ELAPOR1: variants seen among roughly 807,000 people sequenced by gnomAD.
ELAPOR1 encodes the protein endosome/lysosome-associated apoptosis and autophagy regulator 1.
A neutral mutation model predicts 119.7 loss-of-function variants in ELAPOR1; 77 were observed. That is an observed-to-expected ratio of 0.64 (90% CI 0.54 to 0.78). ELAPOR1 has a LOEUF of 0.78. Among genes scored for constraint, ELAPOR1 ranks in the 30% least tolerant of loss-of-function variants. The pLI is 0.00. For missense variants in ELAPOR1, 1,115 were observed against 1,270.4 expected, an observed-to-expected ratio of 0.88 and a Z score of 1.86; for synonymous variants, 481 against 487.2, an observed-to-expected ratio of 0.99 and a Z score of 0.17.
Position 109,194,416 on chromosome 1 carries a change from C to A in ELAPOR1, c.1948-5C>A. 4 of 1,613,162 alleles carry A rather than the reference C, an allele frequency of 2.5e-6. No individual in the cohort carries two copies. The highest frequency in any genetic ancestry group is 3.4e-6 in the Non-Finnish European group (4 of 1,179,384). On this transcript the variant is annotated splice_region_variant and splice_polypyrimidine_tract_variant and intron_variant, in intron 14 of 21. Transcript: ENST00000369939. ...GCTGGCCCGACCCGTCCCTCTCCCC[C>A]TCAGATCCACTCTCTGTGCTACAAC...
chr1:109,197,495 A>G lies in ELAPOR1; in HGVS notation c.2143A>G (p.Thr715Ala), dbSNP rs749792345. The change falls in exon 16 of 22, where the codon ACC (threonine) becomes GCC (alanine). Residue 715 changes from threonine (T) to alanine (A), a missense_variant. Coordinates refer to ENST00000369939, the MANE Select transcript of ELAPOR1 (RefSeq NM_020775.5). Reference sequence around the variant, plus strand: ...CCAGGGTAGGAAAATGTCTGTGTGCACCGACAATGTCACTGACCTCCGGAT... The same window carrying G: ...CCAGGGTAGGAAAATGTCTGTGTGCGCCGACAATGTCACTGACCTCCGGAT... ...GNQGRKMSVC[T>A]DNVTDLRIPE... 1 of 1,614,112 alleles carries G rather than the reference A, an allele frequency of 6.2e-7. No homozygotes were observed. Among genetic ancestry groups the G allele is most frequent in the South Asian group, 1.1e-5 (1 of 91,080 alleles).
At chr1:109,124,301 G>A (rs933087567) in intron 1 of ELAPOR1, among the ~76,000 whole-genome samples, 8 of 151,968 alleles carry the variant, frequency 5.3e-5, no homozygotes, top group Admixed American at 6.6e-5. Flanking sequence ...TGTCATCATG[G>A]TGCAGTATAA....
chr1:109,198,711 C>A (rs372153920), intron 18 of ELAPOR1, 37 bp downstream of exon 18: 6 of 1,549,286 alleles, frequency 3.9e-6, no homozygotes, highest in Non-Finnish European at 5.3e-6. Context: ...AGGCCAAAAT[C>A]TCCCTTGAAG....
At position 109,200,133 on chromosome 1, in the gene ELAPOR1, C is replaced by T. The variant is rs1247761538; in HGVS notation, c.2703C>T (p.Ile901=). Residue 901 remains isoleucine, a synonymous_variant, in exon 20 of 22, where the codon ATC becomes ATT. Coordinates refer to ENST00000369939, the MANE Select transcript of ELAPOR1 (RefSeq NM_020775.5). ...CTCTGCCTGAGCAGAGAGTCACCATCTGCAAAACCATAGATTTCTGGCTGA... is the reference window on the plus strand; with the variant it reads ...CTCTGCCTGAGCAGAGAGTCACCATTTGCAAAACCATAGATTTCTGGCTGA... The part of the protein sequence containing the change: ...GISLPEQRVT[I]CKTIDFWLKV... 17 of 1,614,112 alleles carry T rather than the reference C, an allele frequency of 1.1e-5. No individual in the cohort carries two copies. Among genetic ancestry groups the T allele is most frequent in the Non-Finnish European group, 1.4e-5 (16 of 1,180,050 alleles).
chr1:109,144,061 A>ATATATTTTTTTTTTTTTTTTTTTT lies in ELAPOR1; in HGVS notation c.154-17832_154-17831insATATTTTTTTTTTTTTTTTTTTTT. Among the ~76,000 whole-genome samples the ATATATTTTTTTTTTTTTTTTTTTT allele has an allele frequency of 5.6e-5, 5 of 88,988 alleles. 1 individual carries two copies. The highest frequency in any genetic ancestry group is 2.4e-4 in the African/African-American group (5 of 20,742). The allele number at this position is 88,988 out of a possible 152,430, so 58.4% of individuals were successfully genotyped here. A position where few individuals can be genotyped will look rare whatever the true frequency, so the allele number is the denominator to read the frequency against. On this transcript the variant is annotated intron_variant, in intron 1 of 21. Coordinates refer to ENST00000369939, the MANE Select transcript of ELAPOR1 (RefSeq NM_020775.5). ...TATATATATATATATATATTTATAT[A>ATATATTTTTTTTTTTTTTTTTTTT]TTTTTTTTTTTTTTTGAGATGGAGT...
intron 1 of ELAPOR1, among the ~76,000 whole-genome samples, chr1:109,155,781 C>T (rs1650838069): frequency 6.6e-6 from 1 of 152,286 alleles, no homozygotes; most frequent in South Asian, 2.1e-4. Flanking sequence ...ACAATGTGCA[C>T]TCTGCCTGCT....
At chr1:109,197,138 C>T (rs1458322715) in intron 15 of ELAPOR1, among the ~76,000 whole-genome samples, 3 of 90,646 alleles carry the variant, frequency 3.3e-5, no homozygotes, top group Admixed American at 1.2e-4. Context: ...CCTATCTTTA[C>T]GAAAAAAAAA....
chr1:109,160,658 G>A (rs1419642727), intron 1 of ELAPOR1, among the ~76,000 whole-genome samples: 2 of 152,134 alleles, frequency 1.3e-5, no homozygotes, highest in Admixed American at 1.3e-4. Context: ...TATGCAATCA[G>A]GCTATCACGT....
chr1:109,122,529 C>T lies in ELAPOR1; in HGVS notation c.153+8193C>T, dbSNP rs1648502161. Among the ~76,000 whole-genome samples, 3 of 151,506 alleles carry T rather than the reference C, an allele frequency of 2.0e-5. No homozygotes were observed. The South Asian group carries it at 6.3e-4, about 32-fold the overall frequency. ...TTTAAAAATTAGCTATGTGTGGTGG[C>T]CCACGCCTGTAGACCCAGACACTAG... On this transcript the variant is annotated intron_variant, in intron 1 of 21. Coordinates refer to ENST00000369939, the MANE Select transcript of ELAPOR1 (RefSeq NM_020775.5).
chr1:109,178,823 G>A (rs1408205949), intron 7 of ELAPOR1, among the ~76,000 whole-genome samples: 1 of 152,074 alleles, frequency 6.6e-6, no homozygotes, highest in African/African-American at 2.4e-5. Flanking sequence ...AAATTAGCTG[G>A]GTGTGGTGGC....
At chr1:109,164,468 T>G in intron 2 of ELAPOR1, 31 bp from the exon 3 acceptor site, 2 of 1,582,240 alleles carry the variant, frequency 1.3e-6, no homozygotes. Context: ...GTGACCTCAC[T>G]GCCCCACCTT....
chr1:109,140,254 T>G (rs1362478147), intron 1 of ELAPOR1, among the ~76,000 whole-genome samples: 1 of 152,166 alleles, frequency 6.6e-6, no homozygotes, highest in Non-Finnish European at 1.5e-5. Flanking sequence ...TATGCCAGGA[T>G]TGTCCTGACT....
chr1:109,180,519 A>C (rs1329431744), intron 7 of ELAPOR1, among the ~76,000 whole-genome samples: 1 of 145,118 alleles, frequency 6.9e-6, no homozygotes, highest in Non-Finnish European at 1.5e-5. Context: ...AAAAAAAAAA[A>C]TGGGAATGAC....
At chr1:109,198,164 C>T in intron 17 of ELAPOR1, 89 bp downstream of exon 17, 1 of 995,722 alleles carries the variant, frequency 1.0e-6, no homozygotes, top group South Asian at 1.3e-5. Context: ...CCACCTACTG[C>T]TTATCAAGCC....
intron 1 of ELAPOR1, among the ~76,000 whole-genome samples, chr1:109,145,099 C>T (rs1012358120): frequency 1.3e-5 from 2 of 151,842 alleles, no homozygotes; most frequent in South Asian, 2.1e-4. Context: ...GTGATTAGGC[C>T]GAGTGGATCT....
Position 109,171,847 on chromosome 1 carries a change from G to A in ELAPOR1, c.468-19G>A. 2 of 1,613,784 alleles carry A rather than the reference G, an allele frequency of 1.2e-6. No individual in the cohort carries two copies. Among genetic ancestry groups the A allele is most frequent in the Non-Finnish European group, 1.7e-6 (2 of 1,179,804 alleles). ...GGGCTGTGCTCCTGCCTGTGAACCT[G>A]GTTCCTGTTCCTTCACAGGTCCAAG... On this transcript the variant is annotated intron_variant, in intron 3 of 21. Coordinates refer to ENST00000369939, the MANE Select transcript of ELAPOR1 (RefSeq NM_020775.5).
intron 1 of ELAPOR1, among the ~76,000 whole-genome samples, chr1:109,153,033 G>C (rs2101023128): frequency 1.3e-5 from 2 of 151,996 alleles, no homozygotes; most frequent in South Asian, 4.2e-4. Context: ...AGCAGGTGGA[G>C]GCAGATGTAG....
At chr1:109,147,433 GATT>G (rs1386539238) in intron 1 of ELAPOR1, among the ~76,000 whole-genome samples, 1 of 152,156 alleles carries the variant, frequency 6.6e-6, no homozygotes, top group Non-Finnish European at 1.5e-5. Flanking sequence ...GATTGTCAAG[GATT>G]ATGTGTGTTT....
At chr1:109,194,857 C>T (rs1488653739) in intron 15 of ELAPOR1, among the ~76,000 whole-genome samples, 2 of 152,192 alleles carry the variant, frequency 1.3e-5, no homozygotes, top group Non-Finnish European at 2.9e-5. Flanking sequence ...CCTGTAATCC[C>T]AGCACTTTGG....
Sources: gnomAD v4.1 joint callset for allele counts (sites outside exome capture counted in the v4.1 genomes callset) on GRCh38, gnomAD v4.1.1 for gene constraint, MANE v1.5 for transcripts, NCBI Gene and HGNC (gene_info 2026-07-23, HGNC 2026-07-21) for gene names.